The following ATP10A variants were observed in gnomAD, a reference collection of about 807,000 sequenced individuals.
ATP10A encodes the protein phospholipid-transporting ATPase VA.
A neutral mutation model predicts 147.8 loss-of-function variants in ATP10A; 111 were observed. That is an observed-to-expected ratio of 0.75 (90% confidence interval 0.64 to 0.88). The LOEUF (loss-of-function observed/expected upper bound fraction) is 0.88. Ranked by LOEUF, ATP10A falls within the 40% of genes least tolerant of loss-of-function variation. The pLI, the probability that ATP10A is intolerant of heterozygous loss-of-function variation, is 0.00. For missense variants in ATP10A, 1,927 were observed against 1,959.0 expected, an observed-to-expected ratio of 0.98 and a Z score of 0.31; for synonymous variants, 875 against 841.6, an observed-to-expected ratio of 1.04 and a Z score of -0.69.
chr15:25,716,273 C>T (rs1901799978), intron 9 of ATP10A, among the ~76,000 whole-genome samples: 2 of 152,196 alleles, frequency 1.3e-5, no homozygotes, highest in Admixed American at 1.3e-4. Flanking sequence ...AGCTGGGCCC[C>T]CGGCCTGTCT....
At chr15:25,840,474 T>C (rs903273282) in intron 1 of ATP10A, among the ~76,000 whole-genome samples, 1 of 152,182 alleles carries the variant, frequency 6.6e-6, no homozygotes, top group Non-Finnish European at 1.5e-5. Flanking sequence ...GTTGCTGTGT[T>C]TATCAACAGT....
At chr15:25,681,784 T>G (rs1220576643) in intron 17 of ATP10A, among the ~76,000 whole-genome samples, 1 of 152,194 alleles carries the variant, frequency 6.6e-6, no homozygotes, top group Non-Finnish European at 1.5e-5. Flanking sequence ...CTGGGTGCGG[T>G]GGCTCACGCC....
intron 1 of ATP10A, among the ~76,000 whole-genome samples, chr15:25,782,503 A>C (rs1290193863): frequency 6.6e-6 from 1 of 152,192 alleles, no homozygotes; most frequent in Non-Finnish European, 1.5e-5. Flanking sequence ...AAAATAATTA[A>C]AACACGTTAA....
intron 15 of ATP10A, 104 bp from the exon 16 acceptor site, chr15:25,687,932 A>G (rs1334062767): frequency 6.5e-7 from 1 of 1,540,864 alleles, no homozygotes; most frequent in Non-Finnish European, 9.0e-7. Context: ...GAAAATCCCC[A>G]TTCTGAACAC....
chr15:25,677,344 A>G (rs1899158336), downstream of ATP10A: 1 of 152,158 alleles, frequency 6.6e-6, no homozygotes, highest in Non-Finnish European at 1.5e-5. Context: ...TGTCAATGCC[A>G]TTTACAACAT....
rs149770759 is a variant in ATP10A at position 25,787,994 on chromosome 15, C to A, written c.450-6771G>T. Among the ~76,000 whole-genome samples, 60 of 152,210 alleles carry A rather than the reference C, an allele frequency of 3.9e-4. No individual in the cohort carries two copies. In the East Asian group the frequency reaches 0.01, roughly 27 times the overall value. ...CTAAACAAGCCACTGAGAGAGTTCC[C>A]GCTAGGGCAGGGTAGCTGTTTATTC... is the stretch of plus-strand genomic sequence containing the variant. On this transcript the variant is annotated intron_variant, in intron 1 of 20. Transcript: ENST00000555815.
rs748135991 is a variant in ATP10A at position 25,795,694 on chromosome 15, C to T, written c.450-14471G>A. Among the ~76,000 whole-genome samples, 214 of 152,172 alleles carry T rather than the reference C, an allele frequency of 1.4e-3. 1 individual carries two copies. Among genetic ancestry groups the T allele is most frequent in the Non-Finnish European group, 4.4e-4 (30 of 68,042 alleles). On this transcript the variant is annotated intron_variant, in intron 1 of 20. Transcript: ENST00000555815. Reference sequence around the variant, plus strand: ...CATTTTATTCCTTCACTCTGCAGTCCTGTGTAATAATACACACTGGGAAAA... The same window carrying T: ...CATTTTATTCCTTCACTCTGCAGTCTTGTGTAATAATACACACTGGGAAAA...
At chr15:25,678,250 C>A (rs1437494538), downstream of ATP10A, 1 of 152,032 alleles carries the variant, frequency 6.6e-6, no homozygotes, top group Non-Finnish European at 1.5e-5. Context: ...GTCCTCAGAT[C>A]CTATGCCCTC....
At chr15:25,833,829 G>A (rs146206053) in intron 1 of ATP10A, among the ~76,000 whole-genome samples, 2,066 of 152,138 alleles carry the variant, frequency 0.014, 14 homozygotes, top group South Asian at 0.022. Flanking sequence ...AAAATAAGCC[G>A]GGCGTGGTGG....
chr15:25,712,314 T>G (rs1484983257), intron 10 of ATP10A, among the ~76,000 whole-genome samples: 1 of 152,190 alleles, frequency 6.6e-6, no homozygotes, highest in Non-Finnish European at 1.5e-5. Context: ...AAAAATATGT[T>G]GCCAGCAAAG....
chr15:25,845,572 C>T (rs1382625322), intron 1 of ATP10A, among the ~76,000 whole-genome samples: 1 of 152,162 alleles, frequency 6.6e-6, no homozygotes, highest in African/African-American at 2.4e-5. Context: ...GGGCACCCGA[C>T]CCCACCCATG....
At chr15:25,715,073 G>A (rs184561618) in intron 9 of ATP10A, among the ~76,000 whole-genome samples, 12 of 152,192 alleles carry the variant, frequency 7.9e-5, no homozygotes, top group South Asian at 6.2e-4. Flanking sequence ...TTTATTGAAA[G>A]AGCAAATGTC....
intron 1 of ATP10A, among the ~76,000 whole-genome samples, chr15:25,825,004 G>A (rs931691325): frequency 2.0e-5 from 3 of 152,042 alleles, no homozygotes; most frequent in African/African-American, 4.8e-5. Context: ...GTGATAGAAC[G>A]ACACCTTCAC....
At chr15:25,726,975 T>C (rs1596768054) in intron 4 of ATP10A, among the ~76,000 whole-genome samples, 185 bp downstream of exon 4, 3 of 144,428 alleles carry the variant, frequency 2.1e-5, no homozygotes, top group Admixed American at 1.4e-4. Flanking sequence ...GAGAATGGCG[T>C]GAACCCGGAA....
At chr15:25,735,536 T>TA (rs1224322547) in intron 3 of ATP10A, among the ~76,000 whole-genome samples, 5 of 152,168 alleles carry the variant, frequency 3.3e-5, no homozygotes, top group Non-Finnish European at 1.5e-5. Flanking sequence ...CTTATTTGTT[T>TA]TAATTGTCTT....
intron 2 of ATP10A, among the ~76,000 whole-genome samples, chr15:25,743,603 C>T (rs1270292347): frequency 6.6e-6 from 1 of 152,142 alleles, no homozygotes; most frequent in Non-Finnish European, 1.5e-5. Context: ...TGTTGGTGCT[C>T]GGGGCCTATA....
intron 1 of ATP10A, among the ~76,000 whole-genome samples, chr15:25,822,633 G>T (rs1291595466): frequency 6.6e-6 from 1 of 152,102 alleles, no homozygotes; most frequent in African/African-American, 2.4e-5. Context: ...ACCCTGACCT[G>T]TCTCACTCCA....
At chr15:25,811,723 C>T (rs1372799500) in intron 1 of ATP10A, among the ~76,000 whole-genome samples, 3 of 152,172 alleles carry the variant, frequency 2.0e-5, no homozygotes, top group Non-Finnish European at 4.4e-5. Flanking sequence ...CGTCAAGAGT[C>T]CAGGGACCAT....
chr15:25,689,581 T>A (rs1899898950), intron 15 of ATP10A, among the ~76,000 whole-genome samples: 1 of 152,046 alleles, frequency 6.6e-6, no homozygotes, highest in Admixed American at 6.5e-5. Flanking sequence ...AGCAACAGGG[T>A]CCCAGTGCTG....
Sources: gnomAD v4.1 joint callset for allele counts (sites outside exome capture counted in the v4.1 genomes callset) on GRCh38, gnomAD v4.1.1 for gene constraint, MANE v1.5 for transcripts, NCBI Gene and HGNC (gene_info 2026-07-23, HGNC 2026-07-21) for gene names.